The following ACSL1 variants were observed in gnomAD, a reference collection of about 807,000 sequenced individuals.
The protein encoded by ACSL1 is acyl-CoA synthetase long chain family member 1, also known as long-chain-fatty-acid--CoA ligase 1.
ACSL1 carries 41 observed loss-of-function variants against 98.4 expected under a neutral mutation model. That is an observed-to-expected ratio of 0.42 (90% CI 0.32 to 0.54). The LOEUF is 0.54. Among genes scored for constraint, ACSL1 ranks in the 20% least tolerant of loss-of-function variants. ACSL1 has a pLI of 0.13. For synonymous variants in ACSL1, 316 were observed against 322.7 expected, an observed-to-expected ratio of 0.98 and a Z score of 0.22; for missense variants, 734 against 883.1, an observed-to-expected ratio of 0.83 and a Z score of 2.14.
At chr4:184,786,034 G>C (rs984748199) in intron 3 of ACSL1, among the ~76,000 whole-genome samples, 1 of 152,140 alleles carries the variant, frequency 6.6e-6, no homozygotes, top group African/African-American at 2.4e-5. Context: ...GAGTGGGTGT[G>C]AGTATGAGTC....
chr4:184,808,353 T>C (rs1771693214), intron 1 of ACSL1: 2 of 985,396 alleles, frequency 2.0e-6, no homozygotes, highest in South Asian at 4.7e-5. Flanking sequence ...TGGATGTTTC[T>C]CTCCTTCTAA....
intron 2 of ACSL1, among the ~76,000 whole-genome samples, chr4:184,791,539 C>T (rs1216782393): frequency 6.6e-6 from 1 of 152,200 alleles, no homozygotes; most frequent in East Asian, 1.9e-4. Context: ...TTTAAGAAGC[C>T]CTCCAGGGGA....
At chr4:184,770,998 C>A (rs1417128208) in intron 10 of ACSL1, among the ~76,000 whole-genome samples, 1 of 152,172 alleles carries the variant, frequency 6.6e-6, no homozygotes, top group African/African-American at 2.4e-5. Context: ...GTGGCACATG[C>A]CTGTAATTCC....
chr4:184,773,305 A>G lies in ACSL1; in HGVS notation c.842-151T>C. The stretch of plus-strand genomic sequence containing the variant: ...AACACTAAATTCCTAAGCAACCTGC[A>G]ATCCTTACACTGACTTATCTTTAAA... On this transcript the variant is annotated intron_variant, in intron 9 of 20. Coordinates refer to ENST00000281455, the MANE Select transcript of ACSL1 (RefSeq NM_001995.5). This position sits in a 1 kb window ranked among gnomAD's most constrained non-coding sequence, Gnocchi z 4.3. 2 of 684,514 alleles carry G rather than the reference A, an allele frequency of 2.9e-6. No homozygotes were observed. The highest frequency in any genetic ancestry group is 5.0e-6 in the Non-Finnish European group (2 of 403,020). 42.4% of individuals were successfully genotyped at this position (684,514 alleles called of 1,614,324 possible).
At chr4:184,798,378 A>G (rs1769826148) in intron 2 of ACSL1, 1 of 152,288 alleles carries the variant, frequency 6.6e-6, no homozygotes, top group African/African-American at 2.4e-5. Flanking sequence ...GTTCAAGTAC[A>G]TTATGATCTT....
Position 184,763,177 on chromosome 4 carries a change from C to A in ACSL1, c.1511G>T (p.Gly504Val). 6.2e-7 allele frequency: 1 copy of A among 1,613,584 alleles called. No homozygotes were observed. Among genetic ancestry groups the A allele is most frequent in the Non-Finnish European group, 8.5e-7 (1 of 1,179,918 alleles). ...VEEMNYMAAE[G>V]EGEVCVKGPN... ...ACGGTTTTCACTCACCTCGCCCTCG[C>A]CCTCGGCAGCCATGTAATTCATTTC... Residue 504 changes from glycine (G) to valine (V), a missense_variant, in exon 16 of 21, where the codon GGC becomes GTC. Coordinates refer to ENST00000281455, the MANE Select transcript of ACSL1 (RefSeq NM_001995.5).
intron 17 of ACSL1, 43 bp downstream of exon 17, chr4:184,762,364 A>C: frequency 6.7e-7 from 1 of 1,502,944 alleles, no homozygotes. Context: ...TCTTCCCCAC[A>C]GTGGAACTGA....
chr4:184,800,641 C>T (rs1770333126), intron 2 of ACSL1, among the ~76,000 whole-genome samples: 1 of 152,220 alleles, frequency 6.6e-6, no homozygotes, highest in Non-Finnish European at 1.5e-5. Flanking sequence ...GAAGCTCTTC[C>T]TTGGCACGCA....
chr4:184,800,166 A>G (rs1160039820), intron 2 of ACSL1, among the ~76,000 whole-genome samples: 1 of 152,134 alleles, frequency 6.6e-6, no homozygotes, highest in Admixed American at 6.5e-5. Context: ...ACATTGCATA[A>G]CTCTTCAGTC....
At chr4:184,764,761 A>T in intron 15 of ACSL1, 92 bp downstream of exon 15, 2 of 1,140,314 alleles carry the variant, frequency 1.8e-6, no homozygotes, top group Non-Finnish European at 2.5e-6. Context: ...TAAGATGGTT[A>T]ATGAACCAGT....
intron 2 of ACSL1, among the ~76,000 whole-genome samples, chr4:184,789,226 G>A (rs1224845838): frequency 6.6e-6 from 1 of 152,296 alleles, no homozygotes; most frequent in African/African-American, 2.4e-5. Flanking sequence ...GATGCCTGAA[G>A]AGAGAAAACA....
At chr4:184,793,383 A>C (rs1001140813) in intron 2 of ACSL1, among the ~76,000 whole-genome samples, 1 of 152,190 alleles carries the variant, frequency 6.6e-6, no homozygotes, top group African/African-American at 2.4e-5. Flanking sequence ...GAACATCTGC[A>C]TATCAAAGGT....
intron 11 of ACSL1, among the ~76,000 whole-genome samples, chr4:184,768,984 G>A (rs964111596): frequency 2.6e-5 from 4 of 151,896 alleles, no homozygotes; most frequent in South Asian, 2.1e-4. Context: ...CTGGAGAATC[G>A]CTTGAACCCA....
intron 2 of ACSL1, among the ~76,000 whole-genome samples, chr4:184,794,774 A>T (rs1365189039): frequency 1.3e-5 from 2 of 152,316 alleles, no homozygotes; most frequent in African/African-American, 4.8e-5. Context: ...GTGTGGAGAC[A>T]TCCTTCATCC....
chr4:184,803,500 C>T lies in ACSL1; in HGVS notation c.15G>A (p.Glu5=). The change falls in exon 2 of 21, where the codon GAG becomes GAA. Residue 5 remains glutamate, a synonymous_variant. Transcript: ENST00000281455. This position sits in a 1 kb window ranked among gnomAD's most constrained non-coding sequence, Gnocchi z 4.8. The part of the protein sequence containing the change: MQAH[E]LFRYFRMPEL... ...CTGGCATTCGAAAATACCGGAACAG[C>T]TCATGGGCTTGCATTGTCCTGTGTT... is the stretch of plus-strand genomic sequence containing the variant. 6.3e-7 allele frequency: 1 copy of T among 1,593,824 alleles called. No homozygotes were observed. Among genetic ancestry groups the T allele is most frequent in the Non-Finnish European group, 8.6e-7 (1 of 1,168,756 alleles).
intron 2 of ACSL1, 38 bp from the exon 3 acceptor site, chr4:184,788,769 G>C: frequency 6.5e-7 from 1 of 1,530,676 alleles, no homozygotes; most frequent in Non-Finnish European, 9.1e-7. Flanking sequence ...AGAAGGCAGT[G>C]AAACATCTAT....
rs377113021 is a variant in ACSL1, at chr4:184,768,489, C to A, written c.994-39G>T. 4.6e-5 allele frequency: 74 copies of A among 1,591,510 alleles called. No individual in the cohort carries two copies. In the African/African-American group the frequency reaches 9.1e-4, roughly 20 times the overall value. Reference sequence around the variant, plus strand: ...GGAAAAAACAAACATTTTATCACCACAGCAGGGGTTACACAACATATGGAC... The same window carrying A: ...GGAAAAAACAAACATTTTATCACCAAAGCAGGGGTTACACAACATATGGAC... On this transcript the variant is annotated intron_variant, in intron 11 of 20. Coordinates refer to ENST00000281455, the MANE Select transcript of ACSL1 (RefSeq NM_001995.5).
chr4:184,820,707 C>T (rs190990057), intron 1 of ACSL1, among the ~76,000 whole-genome samples: 5 of 152,228 alleles, frequency 3.3e-5, no homozygotes, highest in South Asian at 2.1e-4. Flanking sequence ...TGGGTTCATG[C>T]GATTCTCCTG....
chr4:184,777,522 A>G (rs1476961093), intron 5 of ACSL1, among the ~76,000 whole-genome samples: 1 of 151,214 alleles, frequency 6.6e-6, no homozygotes, highest in Non-Finnish European at 1.5e-5. Flanking sequence ...GAGAGAGAGA[A>G]AGAAAGATGA....
Sources: allele counts gnomAD v4.1 joint callset (sites outside exome capture counted in the v4.1 genomes callset), GRCh38; gene constraint gnomAD v4.1.1; non-coding constraint Gnocchi (gnomAD v3.1); transcripts MANE v1.5; gene names NCBI Gene and HGNC (gene_info 2026-07-23, HGNC 2026-07-21).